OTUD7A: variants seen among roughly 807,000 people sequenced by gnomAD.
The protein encoded by OTUD7A is OTU domain-containing protein 7A.
A neutral mutation model predicts 65.7 loss-of-function variants in OTUD7A; 12 were observed. That is an observed-to-expected ratio of 0.18 (90% CI 0.12 to 0.30). OTUD7A has a LOEUF of 0.30. Among genes scored for constraint, OTUD7A ranks in the 10% least tolerant of loss-of-function variants. The probability of loss-of-function intolerance (pLI) is 1.00; values close to 1 mark genes in which losing one functional copy is unlikely to be tolerated. For synonymous variants in OTUD7A, 641 were observed against 586.3 expected (o/e 1.09, Z -1.35); for missense variants, 1,148 against 1,304.8 (o/e 0.88, Z 1.85).
chr15:31,500,327 G>A (rs1595559434), intron 10 of OTUD7A, among the ~76,000 whole-genome samples: 1 of 152,256 alleles, frequency 6.6e-6, no homozygotes, highest in East Asian at 1.9e-4. Flanking sequence ...TGCCACATCT[G>A]CAAATAATAA....
At position 31,526,480 on chromosome 15, in the gene OTUD7A, C is replaced by A. The variant is rs1386289640; in HGVS notation, c.781-19G>T. 1.3e-6 allele frequency: 2 copies of A among 1,547,516 alleles called. No individual in the cohort carries two copies. Among genetic ancestry groups the A allele is most frequent in the Admixed American group, 3.7e-5 (2 of 54,078 alleles). On this transcript the variant is annotated intron_variant, in intron 7 of 12. Transcript: ENST00000307050. Reference sequence around the variant, plus strand: ...GCCCTGACTGGCAGAGGGGAGCCGGCTCAGAAGGGGGGTGGGCCACAGCTG... The same window carrying A: ...GCCCTGACTGGCAGAGGGGAGCCGGATCAGAAGGGGGGTGGGCCACAGCTG...
intron 3 of OTUD7A, among the ~76,000 whole-genome samples, chr15:31,607,483 T>A (rs1226373529): frequency 6.6e-6 from 1 of 152,150 alleles, no homozygotes; most frequent in Non-Finnish European, 1.5e-5. Flanking sequence ...TAAGCAAACT[T>A]CACTTTCTCA....
intron 3 of OTUD7A, among the ~76,000 whole-genome samples, chr15:31,612,908 T>C (rs1046491198): frequency 3.9e-5 from 6 of 152,164 alleles, no homozygotes; most frequent in Admixed American, 1.3e-4. Flanking sequence ...TTTAAGGCCA[T>C]AGTCACCAAA....
chr15:31,745,949 A>C (rs1349962479), intron 1 of OTUD7A, among the ~76,000 whole-genome samples: 1 of 152,202 alleles, frequency 6.6e-6, no homozygotes, highest in Non-Finnish European at 1.5e-5. Context: ...CAACATCATT[A>C]GTTATCAGGA....
chr15:31,832,354 C>T (rs1417653051), intron 1 of OTUD7A, among the ~76,000 whole-genome samples: 1 of 152,194 alleles, frequency 6.6e-6, no homozygotes, highest in Non-Finnish European at 1.5e-5. Flanking sequence ...AACACTACAT[C>T]ACAATACAGA....
At chr15:31,604,653 T>G (rs571540060) in intron 3 of OTUD7A, among the ~76,000 whole-genome samples, 1 of 152,244 alleles carries the variant, frequency 6.6e-6, no homozygotes, top group African/African-American at 2.4e-5. Flanking sequence ...TACTTGCAAA[T>G]AGCTGCTAGA....
At chr15:31,592,373 CT>C in intron 3 of OTUD7A, among the ~76,000 whole-genome samples, 1 of 142,028 alleles carries the variant, frequency 7.0e-6, no homozygotes, top group South Asian at 2.3e-4. Flanking sequence ...ATTCTATAAT[CT>C]TTTTTTAAAA....
chr15:31,708,176 CT>C (rs1410339790), intron 1 of OTUD7A, among the ~76,000 whole-genome samples: 1 of 151,806 alleles, frequency 6.6e-6, no homozygotes, highest in Non-Finnish European at 1.5e-5. Flanking sequence ...ACACAAGACA[CT>C]TTTGCTTTTT....
rs186317185 is a variant in OTUD7A, at chr15:31,677,651, C to T, written c.-99-20574G>A. On this transcript the variant is annotated intron_variant, in intron 1 of 12. Coordinates refer to ENST00000307050, the MANE Select transcript of OTUD7A (RefSeq NM_001382637.1). ...CTGTAAAGAAGGTATCTTGCTTCCC[C>T]TTCACCTTCCACCATGATTGTAAGT... Among the ~76,000 whole-genome samples, 1,204 of 152,344 alleles carry T rather than the reference C, an allele frequency of 7.9e-3. 3 individuals are homozygous for T. Among genetic ancestry groups the T allele is most frequent in the Middle Eastern group, 0.017 (5 of 294 alleles).
intron 1 of OTUD7A, among the ~76,000 whole-genome samples, chr15:31,683,140 C>T (rs1489936700): frequency 2.6e-5 from 4 of 152,064 alleles, no homozygotes; most frequent in Non-Finnish European, 5.9e-5. Context: ...TTCTTATCGG[C>T]CCATATTAGT....
intron 3 of OTUD7A, among the ~76,000 whole-genome samples, chr15:31,600,894 C>T (rs1036251949): frequency 6.6e-6 from 1 of 152,168 alleles, no homozygotes; most frequent in Admixed American, 6.5e-5. Flanking sequence ...GTGATCAAGG[C>T]AACAAGAAGA....
In OTUD7A at chr15:31,484,708, G is replaced by A. The variant is rs752148499; in HGVS notation, c.1388C>T (p.Pro463Leu). Reference sequence around the variant, plus strand: ...CCCTGCCGAGGCCGTGGGAGACTCCGGCTGTGCCAGGGGCGCCTGTGTGGA... The same window carrying A: ...CCCTGCCGAGGCCGTGGGAGACTCCAGCTGTGCCAGGGGCGCCTGTGTGGA... ...PSETRAPLAQ[P>L]ESPTASAGED... The change falls in exon 13 of 13, where the codon CCG becomes CTG. Residue 463 changes from proline to leucine, a missense_variant. Physicochemically the swap from Pro to Leu is moderately conservative, Grantham distance 98. This residue lies in a region of OTUD7A where 842 missense variants were observed against 769.5 expected (regional missense o/e 1.09). Transcript: ENST00000307050. This position sits in a 1 kb window ranked among gnomAD's most constrained non-coding sequence, Gnocchi z 4.5. 4.4e-6 allele frequency: 7 copies of A among 1,588,720 alleles called. No homozygotes were observed. Among genetic ancestry groups the A allele is most frequent in the East Asian group, 2.3e-5 (1 of 44,418 alleles).
chr15:31,735,389 G>A (rs1894159824), intron 1 of OTUD7A, among the ~76,000 whole-genome samples: 1 of 152,102 alleles, frequency 6.6e-6, no homozygotes, highest in African/African-American at 2.4e-5. Flanking sequence ...TTAGTTGGGT[G>A]TGGTGGCACA....
At chr15:31,680,751 A>G (rs534104444) in intron 1 of OTUD7A, among the ~76,000 whole-genome samples, 15 of 152,380 alleles carry the variant, frequency 9.8e-5, no homozygotes, top group African/African-American at 3.1e-4. Flanking sequence ...AGGCAGATGC[A>G]AGCAAGAGAA....
chr15:31,808,300 C>T (rs958307255), intron 1 of OTUD7A, among the ~76,000 whole-genome samples: 4 of 152,148 alleles, frequency 2.6e-5, no homozygotes, highest in Non-Finnish European at 5.9e-5. Flanking sequence ...TTACAGGAGC[C>T]CCTGTATGGA....
intron 3 of OTUD7A, among the ~76,000 whole-genome samples, chr15:31,631,627 T>C (rs376146301): frequency 6.6e-6 from 1 of 152,196 alleles, no homozygotes. Flanking sequence ...TGAATCTGAA[T>C]GTTTGCCTGC....
intron 3 of OTUD7A, among the ~76,000 whole-genome samples, chr15:31,605,062 C>A (rs1260997316): frequency 6.6e-6 from 1 of 152,202 alleles, no homozygotes; most frequent in Admixed American, 6.5e-5. Flanking sequence ...GAAAGTAGGG[C>A]CTTCCACAGC....
At chr15:31,627,935 GTTGT>G (rs1045626126) in intron 3 of OTUD7A, among the ~76,000 whole-genome samples, 42 of 152,178 alleles carry the variant, frequency 2.8e-4, no homozygotes, top group African/African-American at 6.5e-4. Flanking sequence ...TGTTGATGGG[GTTGT>G]TTGTTTTTTT....
chr15:31,609,823 C>G (rs983053819), intron 3 of OTUD7A, among the ~76,000 whole-genome samples: 1 of 151,970 alleles, frequency 6.6e-6, no homozygotes, highest in Non-Finnish European at 1.5e-5. Flanking sequence ...TCCATTTCAC[C>G]CCCCTGCCAC....
Sources: allele counts gnomAD v4.1 joint callset (sites outside exome capture counted in the v4.1 genomes callset), GRCh38; gene constraint gnomAD v4.1.1; regional missense constraint gnomAD v4.1.1; non-coding constraint Gnocchi (gnomAD v3.1); transcripts MANE v1.5; gene names NCBI Gene and HGNC (gene_info 2026-07-23, HGNC 2026-07-21).